Variants in UTRN observed in about 807,000 individuals in gnomAD.
The protein encoded by UTRN is dystrophin-related protein 1.
A neutral mutation model predicts 463.9 loss-of-function variants in UTRN; 283 were observed. The ratio of observed to expected loss-of-function variants is 0.61; its 90% confidence interval spans 0.55 to 0.67. The LOEUF is 0.67. UTRN is among the 30% of genes least tolerant of loss of function. The pLI, the probability that UTRN is intolerant of heterozygous loss-of-function variation, is 0.00. For missense variants in UTRN, 3,922 were observed against 4,084.3 expected, an observed-to-expected ratio of 0.96 and a Z score of 1.08; for synonymous variants, 1,442 against 1,431.5, an observed-to-expected ratio of 1.01 and a Z score of -0.17.
intron 60 of UTRN, among the ~76,000 whole-genome samples, chr6:144,774,997 CT>C (rs1775193584): frequency 1.3e-5 from 2 of 152,094 alleles, no homozygotes; most frequent in South Asian, 4.1e-4. Flanking sequence ...TATCTGGATT[CT>C]ATTTGTGGTT....
rs775157095 is a variant in UTRN, at chr6:144,523,129, A to G, written c.5847A>G (p.Thr1949=). 3.7e-6 allele frequency: 6 copies of G among 1,613,462 alleles called. No individual in the cohort carries two copies. In the Admixed American group the frequency reaches 6.7e-5, roughly 18 times the overall value. ...SGPEAIQIRD[T]LTQLNAKWDR... ...CTGAAGCCATTCAGATCAGAGATAC[A>G]CTTACTCAGCTGAATGCAAAATGGG... is the stretch of plus-strand genomic sequence containing the variant. The change falls in exon 41 of 75, where the codon ACA becomes ACG. Residue 1949 remains threonine (T), a synonymous_variant. Transcript: ENST00000367545.
Position 144,748,353 on chromosome 6 carries a change from C to CA in UTRN, c.8051dup (p.Gln2685AlafsTer18). 1 of 1,613,562 alleles carries CA rather than the reference C, an allele frequency of 6.2e-7. No homozygotes were observed. The highest frequency in any genetic ancestry group is 2.2e-5 in the East Asian group (1 of 44,770). ...TCTAAATGCTGTAACTAGCAATTGG[C>CA]AAAAGCAAGTGGACAAGGCATTGGA... On this transcript the variant is annotated frameshift_variant, in exon 55 of 75. Coordinates refer to ENST00000367545, the MANE Select transcript of UTRN (RefSeq NM_007124.3). LOFTEE classifies it high-confidence loss of function.
At chr6:144,792,227 A>G (rs1776819089) in intron 62 of UTRN, among the ~76,000 whole-genome samples, 1 of 152,170 alleles carries the variant, frequency 6.6e-6, no homozygotes, top group African/African-American at 2.4e-5. Flanking sequence ...TGACAGTGTT[A>G]GATCTAGCAT....
intron 43 of UTRN, among the ~76,000 whole-genome samples, chr6:144,536,663 T>C (rs555763593): frequency 1.3e-5 from 2 of 152,210 alleles, no homozygotes; most frequent in South Asian, 4.1e-4. Flanking sequence ...ACATAAATTC[T>C]TATTAGGAAT....
chr6:144,531,176 TTA>T lies in UTRN; in HGVS notation c.6032_6033del (p.Leu2011Ter). 1 of 1,613,906 alleles carries T rather than the reference TTA, an allele frequency of 6.2e-7. No individual in the cohort carries two copies. The highest frequency in any genetic ancestry group is 1.1e-5 in the South Asian group (1 of 91,050). ...DTCAPGGSLD[L>X]EKARIHQQEL... ...CTGTGCTCCAGGTGGCAGCCTGGAC[TTA>T]GAGAAAGCCAGGATACATCAGCAGG... On this transcript the variant is annotated frameshift_variant, in exon 42 of 75. Transcript: ENST00000367545. LOFTEE classifies it high-confidence loss of function.
Position 144,748,247 on chromosome 6 carries a change from A to C in UTRN, c.7941A>C (p.Glu2647Asp). The change falls in exon 55 of 75, where the codon GAA becomes GAC. Residue 2647 changes from glutamate (E) to aspartate (D), a missense_variant and splice_region_variant. By Grantham distance (45) the Glu-to-Asp change is conservative (BLOSUM62 2). Transcript: ENST00000367545. ...TCTTTTTCTTTTTTTTAATCACAGA[A>C]TTAACTCCTGAGGAGAGAGCCCAAA... ...EPRRNLQSKT[E>D]LTPEERAQKI... 6.2e-7 allele frequency: 1 copy of C among 1,602,758 alleles called. No homozygotes were observed. The highest frequency in any genetic ancestry group is 8.5e-7 in the Non-Finnish European group (1 of 1,177,294).
At chr6:144,342,458 C>G (rs564170792) in intron 2 of UTRN, among the ~76,000 whole-genome samples, 4 of 152,020 alleles carry the variant, frequency 2.6e-5, no homozygotes, top group African/African-American at 9.6e-5. Context: ...TTGATATTAG[C>G]TGAAAGATAA....
chr6:144,357,040 G>C (rs561437044), intron 2 of UTRN, among the ~76,000 whole-genome samples: 2 of 152,138 alleles, frequency 1.3e-5, no homozygotes, highest in Non-Finnish European at 2.9e-5. Context: ...AGGAAGAAAT[G>C]TAAGTTCTAT....
intron 51 of UTRN, among the ~76,000 whole-genome samples, chr6:144,613,956 A>C (rs1216804880): frequency 6.6e-6 from 1 of 152,114 alleles, no homozygotes; most frequent in African/African-American, 2.4e-5. Context: ...CCATACTAAA[A>C]GTACTCATCA....
intron 51 of UTRN, among the ~76,000 whole-genome samples, chr6:144,622,722 C>T (rs921130395): frequency 6.6e-6 from 1 of 152,058 alleles, no homozygotes; most frequent in Non-Finnish European, 1.5e-5. Flanking sequence ...CATTTATAGG[C>T]TTTTATTTAT....
At chr6:144,300,118 C>G (rs2017652) in intron 2 of UTRN, among the ~76,000 whole-genome samples, 22,308 of 149,826 alleles carry the variant, frequency 0.15, 2,220 homozygotes, top group African/African-American at 0.28. Flanking sequence ...TAGTCTTCCT[C>G]TTGCTCTGTT....
intron 25 of UTRN, among the ~76,000 whole-genome samples, chr6:144,475,106 C>T (rs567445206): frequency 6.6e-6 from 1 of 152,288 alleles, no homozygotes; most frequent in Admixed American, 6.5e-5. Flanking sequence ...CTAGGCACTG[C>T]AGGTACAGCA....
chr6:144,549,679 A>G (rs1798727980), intron 47 of UTRN, among the ~76,000 whole-genome samples: 2 of 152,206 alleles, frequency 1.3e-5, no homozygotes, highest in Admixed American at 1.3e-4. Flanking sequence ...TTCTCCAGTG[A>G]TGGAAAGCAA....
At chr6:144,820,759 T>G in intron 65 of UTRN, 123 bp from the exon 66 acceptor site, 1 of 1,212,650 alleles carries the variant, frequency 8.2e-7, no homozygotes, top group South Asian at 1.7e-5. Flanking sequence ...ATTTCAAAAA[T>G]GCATAAAACT....
chr6:144,682,961 C>T (rs928543648), intron 52 of UTRN, among the ~76,000 whole-genome samples: 7 of 152,080 alleles, frequency 4.6e-5, no homozygotes, highest in East Asian at 3.8e-4. Flanking sequence ...GTTTTTCTCT[C>T]GGTCGGTAAT....
At chr6:144,715,197 G>A (rs967801871) in intron 53 of UTRN, among the ~76,000 whole-genome samples, 5 of 152,092 alleles carry the variant, frequency 3.3e-5, no homozygotes, top group Admixed American at 1.3e-4. Context: ...CCAGCGTTCT[G>A]CATTTCAGTT....
chr6:144,337,907 G>T (rs911976320), intron 2 of UTRN, among the ~76,000 whole-genome samples: 1 of 152,186 alleles, frequency 6.6e-6, no homozygotes, highest in African/African-American at 2.4e-5. Flanking sequence ...GAGCCATTGC[G>T]CCCAGCCTGG....
intron 74 of UTRN, among the ~76,000 whole-genome samples, chr6:144,850,769 G>A (rs1257517411): frequency 6.6e-6 from 1 of 152,178 alleles, no homozygotes; most frequent in Non-Finnish European, 1.5e-5. Context: ...CTGGCCAAGA[G>A]AAAAGACTTT....
chr6:144,536,862 A>G (rs527616437), intron 43 of UTRN, among the ~76,000 whole-genome samples: 1 of 152,156 alleles, frequency 6.6e-6, no homozygotes, highest in South Asian at 2.1e-4. Context: ...ATATTCTTAT[A>G]AATGTTATTC....
Sources: allele counts gnomAD v4.1 joint callset (sites outside exome capture counted in the v4.1 genomes callset), GRCh38; gene constraint gnomAD v4.1.1; transcripts MANE v1.5; gene names NCBI Gene and HGNC (gene_info 2026-07-23, HGNC 2026-07-21).